Variants in PEPD observed in about 807,000 individuals in gnomAD.
PEPD encodes xaa-Pro dipeptidase.
A neutral mutation model predicts 60.7 loss-of-function variants in PEPD; 53 were observed. The observed-to-expected ratio is 0.87, with a 90% CI of 0.70 to 1.10. The LOEUF is 1.10. Ranked by LOEUF, PEPD falls within the 50% of genes least tolerant of loss-of-function variation. PEPD has a pLI of 0.00. For missense variants in PEPD, 711 were observed against 711.9 expected (o/e 1.00, Z 0.01); for synonymous variants, 267 against 284.1 (o/e 0.94, Z 0.60).
chr19:33,423,023 T>C (rs1016930372), intron 9 of PEPD, among the ~76,000 whole-genome samples: 2 of 151,898 alleles, frequency 1.3e-5, no homozygotes, highest in African/African-American at 4.8e-5. Flanking sequence ...CATCCAGCCA[T>C]CATCCTATCT....
At chr19:33,514,335 T>A (rs574138538) in intron 1 of PEPD, among the ~76,000 whole-genome samples, 1 of 152,044 alleles carries the variant, frequency 6.6e-6, no homozygotes, top group Non-Finnish European at 1.5e-5. Flanking sequence ...GGTGAAGTGG[T>A]CTGGGGCACC....
At chr19:33,432,544 C>T (rs1011572747) in intron 9 of PEPD, among the ~76,000 whole-genome samples, 3 of 152,202 alleles carry the variant, frequency 2.0e-5, no homozygotes, top group Non-Finnish European at 2.9e-5. Context: ...AAGCAAATTT[C>T]CCTCTGGTGC....
intron 6 of PEPD, among the ~76,000 whole-genome samples, chr19:33,488,459 G>A (rs1043444506): frequency 7.2e-5 from 11 of 152,116 alleles, no homozygotes; most frequent in African/African-American, 2.7e-4. Flanking sequence ...CCAGCACCAG[G>A]TAGTGCTGGG....
intron 3 of PEPD, among the ~76,000 whole-genome samples, chr19:33,509,830 A>C (rs1298471092): frequency 1.3e-5 from 2 of 152,210 alleles, no homozygotes; most frequent in African/African-American, 2.4e-5. Context: ...GAGCAGGCAG[A>C]ACAGCTCCTC....
chr19:33,445,257 G>A (rs756972851), intron 9 of PEPD, among the ~76,000 whole-genome samples: 4 of 152,202 alleles, frequency 2.6e-5, no homozygotes, highest in Non-Finnish European at 5.9e-5. Context: ...TGCTGAATCA[G>A]CATGTATGAA....
intron 9 of PEPD, among the ~76,000 whole-genome samples, chr19:33,458,467 G>A (rs1568482055): frequency 1.3e-5 from 2 of 150,844 alleles, no homozygotes; most frequent in Non-Finnish European, 3.0e-5. Context: ...TGTATGGTAT[G>A]TGGTATGTGG....
At chr19:33,475,945 G>A (rs891666710) in intron 7 of PEPD, among the ~76,000 whole-genome samples, 3 of 152,066 alleles carry the variant, frequency 2.0e-5, no homozygotes, top group Admixed American at 1.3e-4. Context: ...CTGCAGCCTC[G>A]ACCTCCTGGG....
chr19:33,387,626 G>A (rs1306280451), intron 14 of PEPD, 145 bp from the exon 15 acceptor site: 5 of 1,041,080 alleles, frequency 4.8e-6, no homozygotes, highest in Non-Finnish European at 7.3e-6. Context: ...GCTCCTTCAT[G>A]GAGCCATCTG....
intron 6 of PEPD, among the ~76,000 whole-genome samples, chr19:33,487,634 C>T (rs1360861536): frequency 6.6e-6 from 1 of 152,178 alleles, no homozygotes; most frequent in African/African-American, 2.4e-5. Flanking sequence ...AGCTGAGGGG[C>T]CGGGTGAGCA....
intron 1 of PEPD, among the ~76,000 whole-genome samples, chr19:33,516,921 T>TG (rs1971033006): frequency 6.6e-6 from 1 of 152,136 alleles, no homozygotes; most frequent in Non-Finnish European, 1.5e-5. Context: ...TTAAAGTAGT[T>TG]GGGCCAGGCG....
chr19:33,431,172 A>G (rs1600109121), intron 9 of PEPD, among the ~76,000 whole-genome samples: 1 of 135,852 alleles, frequency 7.4e-6, no homozygotes, highest in Non-Finnish European at 1.6e-5. Context: ...AGAAGGAAGG[A>G]AGGAAGGAAG....
At chr19:33,405,440 G>A (rs1019967120) in intron 11 of PEPD, among the ~76,000 whole-genome samples, 5 of 152,350 alleles carry the variant, frequency 3.3e-5, no homozygotes, top group African/African-American at 9.6e-5. Flanking sequence ...CATATTCGGG[G>A]CTGCAGAAGC....
chr19:33,429,180 C>A (rs888978232), intron 9 of PEPD, among the ~76,000 whole-genome samples: 4 of 152,064 alleles, frequency 2.6e-5, no homozygotes, highest in Non-Finnish European at 5.9e-5. Context: ...TGGAAGCAGC[C>A]CTGCATCCCT....
intron 9 of PEPD, among the ~76,000 whole-genome samples, chr19:33,423,659 A>T (rs1331582067): frequency 6.6e-6 from 1 of 152,208 alleles, no homozygotes; most frequent in African/African-American, 2.4e-5. Flanking sequence ...CTTTTTTAAA[A>T]ACTGCGAATG....
chr19:33,445,590 G>A (rs1191123226), intron 9 of PEPD, among the ~76,000 whole-genome samples: 2 of 152,222 alleles, frequency 1.3e-5, no homozygotes, highest in Non-Finnish European at 2.9e-5. Context: ...TCAGAGAGTA[G>A]CAGCCCTGCC....
intron 6 of PEPD, among the ~76,000 whole-genome samples, chr19:33,484,366 G>A (rs748109523): frequency 4.8e-4 from 73 of 152,228 alleles, no homozygotes; most frequent in African/African-American, 1.6e-3. Context: ...ACGTACGTAC[G>A]CATACACACG....
chr19:33,459,659 C>T (rs963289457), intron 9 of PEPD, among the ~76,000 whole-genome samples: 1 of 146,496 alleles, frequency 6.8e-6, no homozygotes, highest in Non-Finnish European at 1.5e-5. Context: ...TCATAAATGC[C>T]ATCCGCTCGC....
At chr19:33,506,831 C>T (rs1294450791) in intron 3 of PEPD, among the ~76,000 whole-genome samples, 8 of 150,484 alleles carry the variant, frequency 5.3e-5, no homozygotes, top group South Asian at 2.1e-4. Flanking sequence ...ACACAGCACA[C>T]GCACACCCAC....
chr19:33,429,513 G>T (rs1481301953), intron 9 of PEPD, among the ~76,000 whole-genome samples: 1 of 152,210 alleles, frequency 6.6e-6, no homozygotes, highest in Non-Finnish European at 1.5e-5. Context: ...TGGATACACA[G>T]ATATCTATTA....
Sources: allele counts gnomAD v4.1 joint callset (sites outside exome capture counted in the v4.1 genomes callset), GRCh38; gene constraint gnomAD v4.1.1; transcripts MANE v1.5; gene names NCBI Gene and HGNC (gene_info 2026-07-23, HGNC 2026-07-21).